The following NSMCE1 variants were observed in gnomAD, a reference collection of about 807,000 sequenced individuals.
NSMCE1 encodes NSE1 component of SMC5/6 complex, also known as non-structural maintenance of chromosomes element 1 homolog.
NSMCE1 carries 18 observed loss-of-function variants against 29.6 expected under a neutral mutation model. That is an observed-to-expected ratio of 0.61 (90% CI 0.42 to 0.90). NSMCE1 has a LOEUF of 0.90. Ranked by LOEUF, NSMCE1 falls within the 40% of genes least tolerant of loss-of-function variation. NSMCE1 has a pLI of 0.00. For missense variants in NSMCE1, 314 were observed against 343.6 expected (o/e 0.91, Z 0.68); for synonymous variants, 124 against 133.4 (o/e 0.93, Z 0.49).
At chr16:27,258,468 T>G (rs2084111096) in intron 1 of NSMCE1, among the ~76,000 whole-genome samples, 1 of 152,242 alleles carries the variant, frequency 6.6e-6, no homozygotes, top group African/African-American at 2.4e-5. Context: ...CTGACTGCAA[T>G]GGGTCCTGGA....
intron 2 of NSMCE1, among the ~76,000 whole-genome samples, chr16:27,252,384 C>T (rs954027580): frequency 2.0e-5 from 3 of 152,174 alleles, no homozygotes; most frequent in Non-Finnish European, 2.9e-5. Flanking sequence ...TGGCCAGGCA[C>T]GGTGGCTAAA....
intron 2 of NSMCE1, among the ~76,000 whole-genome samples, chr16:27,244,271 G>C (rs2083927215): frequency 6.6e-6 from 1 of 152,248 alleles, no homozygotes; most frequent in South Asian, 2.1e-4. Flanking sequence ...TCTGGGCTAA[G>C]CAGGGGCTAA....
At chr16:27,258,851 A>T (rs2084119284) in intron 1 of NSMCE1, among the ~76,000 whole-genome samples, 1 of 151,302 alleles carries the variant, frequency 6.6e-6, no homozygotes, top group Admixed American at 6.6e-5. Flanking sequence ...CCCGGGTTCC[A>T]GTGATTCTCC....
rs199965487 is a variant in NSMCE1, at chr16:27,233,096, A to G, written c.388T>C (p.Leu130=). The part of the protein sequence containing the change: ...ETGFASSTNI[L]NLVDQLKGKK... Reference sequence around the variant, plus strand: ...CCTTTAAGTTGATCAACCAGGTTCAATATGTTTGTGGAAGACGCAAAGCCG... The same window carrying G: ...CCTTTAAGTTGATCAACCAGGTTCAGTATGTTTGTGGAAGACGCAAAGCCG... The change falls in exon 5 of 8, where the codon TTG becomes CTG. Residue 130 remains leucine (L), a synonymous_variant. Coordinates refer to ENST00000361439, the MANE Select transcript of NSMCE1 (RefSeq NM_145080.4). 13 of 1,613,946 alleles carry G rather than the reference A, an allele frequency of 8.1e-6. No individual in the cohort carries two copies. The highest frequency in any genetic ancestry group is 1.7e-5 in the Admixed American group (1 of 59,996).
chr16:27,245,288 T>C (rs2083943680), intron 2 of NSMCE1, among the ~76,000 whole-genome samples: 1 of 152,270 alleles, frequency 6.6e-6, no homozygotes, highest in African/African-American at 2.4e-5. Flanking sequence ...CTTGAATTCA[T>C]GCCTTTGAAA....
At chr16:27,236,354 T>C (rs887915631) in intron 2 of NSMCE1, among the ~76,000 whole-genome samples, 2 of 145,476 alleles carry the variant, frequency 1.4e-5, no homozygotes, top group Non-Finnish European at 3.0e-5. Flanking sequence ...TGGAGTGCAG[T>C]AGCACAGTCT....
intron 2 of NSMCE1, 25 bp downstream of exon 2, chr16:27,257,410 C>G: frequency 6.3e-7 from 1 of 1,593,160 alleles, no homozygotes. Flanking sequence ...CCAGAGCGCC[C>G]TGGGAACAGG....
intron 2 of NSMCE1, among the ~76,000 whole-genome samples, chr16:27,251,620 C>A (rs1567281565): frequency 6.6e-6 from 1 of 152,120 alleles, no homozygotes; most frequent in Non-Finnish European, 1.5e-5. Context: ...CAGAATCATG[C>A]AGGTCTCATA....
In NSMCE1 at chr16:27,230,990, C is replaced by T. The variant is rs147504286; in HGVS notation, c.483+2011G>A. Reference sequence around the variant, plus strand: ...AAGTCAAACCATAAAGCTGGGGGCACGCCCTGCAAGCCATGCACAATGGTG... The same window carrying T: ...AAGTCAAACCATAAAGCTGGGGGCATGCCCTGCAAGCCATGCACAATGGTG... On this transcript the variant is annotated intron_variant, in intron 5 of 7. Transcript: ENST00000361439. 9.8e-3 allele frequency among the ~76,000 whole-genome samples: 1,486 copies of T among 152,340 alleles called. 26 individuals carry two copies. Among genetic ancestry groups the T allele is most frequent in the African/African-American group, 0.034 (1,400 of 41,578 alleles).
At chr16:27,256,124 C>T (rs28572393) in intron 2 of NSMCE1, among the ~76,000 whole-genome samples, 2,292 of 152,174 alleles carry the variant, frequency 0.015, 81 homozygotes, top group African/African-American at 0.052. Flanking sequence ...TACCTGTACA[C>T]GCCCTTTCTC....
At chr16:27,251,571 G>T (rs1256504250) in intron 2 of NSMCE1, among the ~76,000 whole-genome samples, 1 of 152,092 alleles carries the variant, frequency 6.6e-6, no homozygotes, top group African/African-American at 2.4e-5. Flanking sequence ...CTTGTTTGGG[G>T]TTTTCTTTCC....
At chr16:27,225,874 G>A (rs923686716) in intron 6 of NSMCE1, 28 bp from the exon 7 acceptor site, 2 of 1,612,422 alleles carry the variant, frequency 1.2e-6, no homozygotes. Context: ...AATGACGGCG[G>A]AGCTGGTGCA....
At chr16:27,257,790 T>A (rs902868090) in intron 1 of NSMCE1, among the ~76,000 whole-genome samples, 1 of 152,156 alleles carries the variant, frequency 6.6e-6, no homozygotes, top group African/African-American at 2.4e-5. Flanking sequence ...GGAGCTAGAA[T>A]GCCGGGATTC....
chr16:27,263,084 T>C (rs749043706), intron 1 of NSMCE1, among the ~76,000 whole-genome samples: 3 of 152,254 alleles, frequency 2.0e-5, no homozygotes, highest in Non-Finnish European at 2.9e-5. Flanking sequence ...GGGAAACTTA[T>C]ATACTGTTGG....
At chr16:27,249,908 C>T (rs1002308659) in intron 2 of NSMCE1, among the ~76,000 whole-genome samples, 1 of 152,200 alleles carries the variant, frequency 6.6e-6, no homozygotes, top group Non-Finnish European at 1.5e-5. Flanking sequence ...CTATGTCTTT[C>T]CACTTATTTA....
chr16:27,260,753 G>C (rs2084145343), intron 1 of NSMCE1, among the ~76,000 whole-genome samples: 2 of 151,880 alleles, frequency 1.3e-5, no homozygotes, highest in African/African-American at 4.8e-5. Context: ...CAGCTATTTA[G>C]GAGGCTGAGG....
intron 6 of NSMCE1, chr16:27,226,382 T>C (rs1162533278): frequency 1.7e-5 from 5 of 296,988 alleles, no homozygotes; most frequent in Non-Finnish European, 3.2e-5. Flanking sequence ...TTAAGACCAC[T>C]CCAGAAAGCA....
intron 7 of NSMCE1, 87 bp downstream of exon 7, chr16:27,225,639 G>C (rs2083680970): frequency 5.9e-6 from 9 of 1,530,586 alleles, no homozygotes; most frequent in Non-Finnish European, 7.1e-6. Context: ...GAGCCCTTCA[G>C]GGCCCTGTCT....
At chr16:27,231,813 C>T (rs2083765549) in intron 5 of NSMCE1, among the ~76,000 whole-genome samples, 1 of 152,258 alleles carries the variant, frequency 6.6e-6, no homozygotes, top group East Asian at 1.9e-4. Flanking sequence ...CTGAACTCGG[C>T]CCTGCCACTC....
Sources: allele counts gnomAD v4.1 joint callset (sites outside exome capture counted in the v4.1 genomes callset), GRCh38; gene constraint gnomAD v4.1.1; transcripts MANE v1.5; gene names NCBI Gene and HGNC (gene_info 2026-07-23, HGNC 2026-07-21).